SPAG16: variants seen among roughly 807,000 people sequenced by gnomAD.
SPAG16 encodes sperm associated antigen 16.
In SPAG16, 86 loss-of-function variants were observed where a neutral mutation model predicts 80.4. The ratio of observed to expected loss-of-function variants is 1.07; its 90% CI spans 0.90 to 1.28. The LOEUF is 1.28. Among genes scored for constraint, SPAG16 ranks in the 50% most tolerant of loss-of-function variants. The probability of loss-of-function intolerance (pLI) is 0.00; values close to 1 mark genes in which losing one functional copy is unlikely to be tolerated. For synonymous variants in SPAG16, 294 were observed against 265.9 expected, an observed-to-expected ratio of 1.11 and a Z score of -1.03; for missense variants, 870 against 765.3, an observed-to-expected ratio of 1.14 and a Z score of -1.61.
Position 213,990,428 on chromosome 2 carries a change from T to G in SPAG16, c.1401-23523T>G, listed in dbSNP as rs555327373. On this transcript the variant is annotated intron_variant, in intron 12 of 15. Transcript: ENST00000331683. ...GTATAACTTTTGACATTCCCAAACC[T>G]TAGCTACTAAATGCCTACTGTTGAC... is the stretch of plus-strand genomic sequence containing the variant. Among the ~76,000 whole-genome samples the G allele has an allele frequency of 2.0e-4, 31 of 151,424 alleles. No homozygotes were observed. The South Asian group carries it at 5.8e-3, about 28-fold the overall frequency.
chr2:213,724,823 T>C (rs1343791352), intron 10 of SPAG16, among the ~76,000 whole-genome samples: 1 of 144,894 alleles, frequency 6.9e-6, no homozygotes, highest in African/African-American at 2.5e-5. Flanking sequence ...AAACTAAGTT[T>C]AATTGATGAG....
chr2:213,841,202 C>T (rs180765308), intron 10 of SPAG16, among the ~76,000 whole-genome samples: 2 of 152,072 alleles, frequency 1.3e-5, no homozygotes, highest in African/African-American at 4.8e-5. Flanking sequence ...ACAACCCACC[C>T]CTAAAAAAAT....
intron 9 of SPAG16, among the ~76,000 whole-genome samples, chr2:213,427,455 C>G (rs2070009218): frequency 1.3e-5 from 2 of 152,130 alleles, no homozygotes; most frequent in Admixed American, 6.5e-5. Context: ...ATTTTTTTGA[C>G]TGGCTTCTAA....
intron 10 of SPAG16, among the ~76,000 whole-genome samples, chr2:213,738,412 C>T (rs1337127341): frequency 6.6e-6 from 1 of 152,084 alleles, no homozygotes; most frequent in South Asian, 2.1e-4. Flanking sequence ...GACTGATAAA[C>T]CTGTAAAAGA....
intron 10 of SPAG16, among the ~76,000 whole-genome samples, chr2:213,699,680 A>G (rs2065319839): frequency 6.6e-6 from 1 of 152,180 alleles, no homozygotes; most frequent in South Asian, 2.1e-4. Flanking sequence ...TAAATGTTTC[A>G]TACCAAAATA....
At chr2:213,890,841 GT>G (rs2076758923) in intron 11 of SPAG16, among the ~76,000 whole-genome samples, 1 of 151,922 alleles carries the variant, frequency 6.6e-6, no homozygotes, top group African/African-American at 2.4e-5. Flanking sequence ...ATTTTGATGT[GT>G]TAAAGTTTGG....
chr2:213,874,691 A>G (rs2076078212), intron 11 of SPAG16, among the ~76,000 whole-genome samples: 1 of 152,158 alleles, frequency 6.6e-6, no homozygotes, highest in Admixed American at 6.6e-5. Context: ...TTATAATCTT[A>G]TGAAACCATA....
intron 9 of SPAG16, among the ~76,000 whole-genome samples, chr2:213,432,012 GATAAA>G (rs2070333348): frequency 6.6e-6 from 1 of 151,996 alleles, no homozygotes; most frequent in African/African-American, 2.4e-5. Flanking sequence ...TTGAGTCAAT[GATAAA>G]ATTAAATTAA....
intron 9 of SPAG16, among the ~76,000 whole-genome samples, chr2:213,434,765 G>A (rs1412426711): frequency 3.9e-5 from 6 of 152,286 alleles, no homozygotes; most frequent in South Asian, 2.1e-4. Flanking sequence ...GTCATCTGAC[G>A]TAAGTCAGAA....
intron 7 of SPAG16, among the ~76,000 whole-genome samples, chr2:213,362,410 G>A (rs1271272760): frequency 1.3e-5 from 2 of 152,330 alleles, no homozygotes; most frequent in Middle Eastern, 3.4e-3. Flanking sequence ...CAGCTGTTGA[G>A]TGTTGGCTGC....
chr2:213,574,276 G>A (rs1396350234), intron 10 of SPAG16, among the ~76,000 whole-genome samples: 1 of 152,050 alleles, frequency 6.6e-6, no homozygotes, highest in East Asian at 1.9e-4. Flanking sequence ...TACTTTCCAT[G>A]ACTGTTTTCT....
intron 15 of SPAG16, among the ~76,000 whole-genome samples, chr2:214,237,067 A>G (rs960567554): frequency 6.6e-6 from 1 of 152,202 alleles, no homozygotes; most frequent in Non-Finnish European, 1.5e-5. Context: ...GCACCAGGAT[A>G]TTTCTTAGTA....
intron 15 of SPAG16, among the ~76,000 whole-genome samples, chr2:214,174,619 A>G (rs2057004149): frequency 6.6e-6 from 1 of 151,748 alleles, no homozygotes. Flanking sequence ...TTAATGCAAA[A>G]ATTAATGGCT....
chr2:214,172,064 T>G (rs1023464710), intron 15 of SPAG16, among the ~76,000 whole-genome samples: 2 of 151,868 alleles, frequency 1.3e-5, no homozygotes, highest in African/African-American at 4.8e-5. Context: ...ATTAGATCTC[T>G]GATTTATCCT....
At chr2:214,092,825 G>A (rs1226120658) in intron 13 of SPAG16, among the ~76,000 whole-genome samples, 1 of 152,050 alleles carries the variant, frequency 6.6e-6, no homozygotes, top group African/African-American at 2.4e-5. Flanking sequence ...GGCAAGGCTG[G>A]AGGAGGAAGC....
chr2:213,512,797 A>G (rs73988531), intron 10 of SPAG16, among the ~76,000 whole-genome samples: 13,176 of 151,964 alleles, frequency 0.087, 1,428 homozygotes, highest in African/African-American at 0.25. Flanking sequence ...TCCTGCGTTT[A>G]TTGGGAACTG....
intron 15 of SPAG16, among the ~76,000 whole-genome samples, chr2:214,231,766 G>A (rs1465207201): frequency 2.0e-5 from 3 of 151,906 alleles, no homozygotes; most frequent in Non-Finnish European, 4.4e-5. Flanking sequence ...GTTTTCCTTG[G>A]GGACCATTGT....
chr2:213,577,224 T>A (rs1014006925), intron 10 of SPAG16, among the ~76,000 whole-genome samples: 2 of 152,124 alleles, frequency 1.3e-5, no homozygotes, highest in Non-Finnish European at 2.9e-5. Context: ...AAGAAAATAT[T>A]CTGTGGCAAC....
intron 15 of SPAG16, among the ~76,000 whole-genome samples, chr2:214,212,292 A>AC (rs2058315450): frequency 6.6e-6 from 1 of 152,038 alleles, no homozygotes; most frequent in South Asian, 2.1e-4. Context: ...ACCCAGACCT[A>AC]CAAGTGATCC....
Sources: allele counts gnomAD v4.1 joint callset (sites outside exome capture counted in the v4.1 genomes callset), GRCh38; gene constraint gnomAD v4.1.1; transcripts MANE v1.5; gene names NCBI Gene and HGNC (gene_info 2026-07-23, HGNC 2026-07-21).